XIRP2: variants seen among roughly 807,000 people sequenced by gnomAD.
The protein encoded by XIRP2 is xin actin binding repeat containing 2, also known as xin actin-binding repeat-containing protein 2.
Under a neutral mutation model 277.0 loss-of-function variants are expected in XIRP2, and 236 were observed. The observed-to-expected ratio is 0.85, with a 90% CI of 0.77 to 0.95. The LOEUF is 0.95. Ranked by LOEUF, XIRP2 falls within the 40% of genes least tolerant of loss-of-function variation. XIRP2 has a pLI of 0.00. For synonymous variants in XIRP2, 1,490 were observed against 1,416.5 expected (o/e 1.05, Z -1.17); for missense variants, 4,640 against 4,157.5 (o/e 1.12, Z -3.19).
chr2:167,130,239 C>T (rs533353514), intron 2 of XIRP2, among the ~76,000 whole-genome samples: 7 of 152,068 alleles, frequency 4.6e-5, no homozygotes, highest in African/African-American at 1.7e-4. Flanking sequence ...TTAAAAAAAA[C>T]CCCTGCTCAT....
intron 2 of XIRP2, among the ~76,000 whole-genome samples, chr2:166,939,879 A>G (rs1685651362): frequency 6.6e-6 from 1 of 151,430 alleles, no homozygotes; most frequent in South Asian, 2.1e-4. Context: ...TGCCCTTCAC[A>G]TTTTTTCCTT....
Position 167,247,572 on chromosome 2 carries a change from C to A in XIRP2, c.6180C>A (p.Asp2060Glu), listed in dbSNP as rs773243575. The A allele has an allele frequency of 8.1e-6, 13 of 1,613,526 alleles. No homozygotes were observed. In the African/African-American group the frequency reaches 1.2e-4, roughly 15 times the overall value. The change falls in exon 9 of 11, where the codon GAC (aspartate) becomes GAA (glutamate). Residue 2060 changes from aspartate (D) to glutamate (E), a missense_variant. Asp to Glu is a conservative substitution (Grantham distance 45). Coordinates refer to ENST00000409195, the MANE Select transcript of XIRP2 (RefSeq NM_152381.6). ...HHKSNVLESGDKTGVWTDTTG... is the reference protein window; with the variant it reads ...HHKSNVLESGEKTGVWTDTTG... ...AATCTAATGTTTTGGAATCAGGAGACAAAACGGGTGTCTGGACTGATACTA... is the reference window on the plus strand; with the variant it reads ...AATCTAATGTTTTGGAATCAGGAGAAAAAACGGGTGTCTGGACTGATACTA...
chr2:167,016,998 G>A (rs1334458007), intron 2 of XIRP2, among the ~76,000 whole-genome samples: 1 of 151,946 alleles, frequency 6.6e-6, no homozygotes, highest in Non-Finnish European at 1.5e-5. Flanking sequence ...GTAGCAGCTT[G>A]GTCTGGGTGT....
At chr2:167,001,634 T>C (rs1043934049) in intron 2 of XIRP2, among the ~76,000 whole-genome samples, 5 of 152,142 alleles carry the variant, frequency 3.3e-5, no homozygotes, top group African/African-American at 4.8e-5. Context: ...ATAACCTGCA[T>C]TATTAGTTAA....
intron 2 of XIRP2, among the ~76,000 whole-genome samples, chr2:167,061,270 A>G (rs886269947): frequency 2.5e-4 from 38 of 152,232 alleles, no homozygotes; most frequent in African/African-American, 9.1e-4. Context: ...AAGAATTTCT[A>G]CATGAACAAT....
chr2:167,247,386 T>C lies in XIRP2; in HGVS notation c.5994T>C (p.Ser1998=). The change falls in exon 9 of 11, where the codon AGT becomes AGC. Residue 1998 remains serine, a synonymous_variant. Transcript: ENST00000409195. The part of the protein sequence containing the change: ...AKWQGGADTL[S]QTMGKSCHGN... Reference sequence around the variant, plus strand: ...GGCAAGGGGGAGCAGATACTCTCAGTCAAACTATGGGGAAATCTTGCCATG... The same window carrying C: ...GGCAAGGGGGAGCAGATACTCTCAGCCAAACTATGGGGAAATCTTGCCATG... The C allele has an allele frequency of 6.2e-7, 1 of 1,613,732 alleles. No homozygotes were observed. Among genetic ancestry groups the C allele is most frequent in the African/African-American group, 1.3e-5 (1 of 74,984 alleles).
Position 167,106,609 on chromosome 2 carries a change from A to G in XIRP2, c.409-29300A>G, listed in dbSNP as rs184570698. 5.9e-3 allele frequency among the ~76,000 whole-genome samples: 903 copies of G among 151,798 alleles called. 7 individuals carry two copies. The highest frequency in any genetic ancestry group is 9.7e-3 in the Non-Finnish European group (654 of 67,676). On this transcript the variant is annotated intron_variant, in intron 2 of 10. Transcript: ENST00000409195. ...TATAAAAATTCTTAAAATAAATCTT[A>G]AAATCTTAAAATTCCTCCCAATTAC... is the stretch of plus-strand genomic sequence containing the variant.
intron 2 of XIRP2, among the ~76,000 whole-genome samples, chr2:167,129,988 AC>A (rs1010009818): frequency 6.6e-5 from 10 of 152,072 alleles, no homozygotes; most frequent in Non-Finnish European, 2.9e-5. Context: ...AAGATAATAG[AC>A]CTCACTGAGA....
At chr2:167,001,062 T>A (rs1558942797) in intron 2 of XIRP2, among the ~76,000 whole-genome samples, 1 of 152,104 alleles carries the variant, frequency 6.6e-6, no homozygotes, top group Non-Finnish European at 1.5e-5. Context: ...TATGAAGAAA[T>A]TTTGATCATT....
In XIRP2 at chr2:167,007,699, TCTCTCACACACA is replaced by T. The variant is rs1290822332; in HGVS notation, c.408+103811_408+103822del. On this transcript the variant is annotated intron_variant, in intron 2 of 10. Coordinates refer to ENST00000409195, the MANE Select transcript of XIRP2 (RefSeq NM_152381.6). ...TGTACACTCTCTCTCTCTCTCTCTC[TCTCTCACACACA>T]CACACACACACACACACACACACAC... 4.1e-5 allele frequency among the ~76,000 whole-genome samples: 5 copies of T among 123,318 alleles called. No homozygotes were observed. In the East Asian group the frequency reaches 6.7e-4, roughly 16 times the overall value. The allele number at this position is 123,318 out of a possible 152,430, so 80.9% of individuals were successfully genotyped here.
At chr2:167,105,322 C>A (rs1455141142) in intron 2 of XIRP2, among the ~76,000 whole-genome samples, 1 of 151,938 alleles carries the variant, frequency 6.6e-6, no homozygotes, top group African/African-American at 2.4e-5. Flanking sequence ...TCCAGCACCA[C>A]CACCTTTTTT....
At chr2:166,994,688 CAAA>C (rs572251724) in intron 2 of XIRP2, among the ~76,000 whole-genome samples, 1 of 107,490 alleles carries the variant, frequency 9.3e-6, no homozygotes. Context: ...CTCAGTCTAT[CAAA>C]AAAAAAAAAA....
At chr2:167,231,727 A>C (rs992551031) in intron 5 of XIRP2, among the ~76,000 whole-genome samples, 2 of 151,930 alleles carry the variant, frequency 1.3e-5, no homozygotes, top group African/African-American at 2.4e-5. Context: ...GATCATCTCC[A>C]TCTTGGGCTT....
Position 167,243,485 on chromosome 2 carries a change from C to T in XIRP2, c.2093C>T (p.Thr698Ile). 2 of 1,613,998 alleles carry T rather than the reference C, an allele frequency of 1.2e-6. No homozygotes were observed. The highest frequency in any genetic ancestry group is 1.7e-6 in the Non-Finnish European group (2 of 1,179,964). The change falls in exon 9 of 11, where the codon ACT becomes ATT. Residue 698 changes from threonine to isoleucine, a missense_variant. Thr to Ile is a moderately conservative substitution (Grantham distance 89). Coordinates refer to ENST00000409195, the MANE Select transcript of XIRP2 (RefSeq NM_152381.6). The part of the protein sequence containing the change: ...DVKTVRYMFE[T>I]QHLDQLGQLH... ...AAGACTGTGAGATACATGTTTGAAACTCAACATCTAGATCAACTTGGACAG... is the reference window on the plus strand; with the variant it reads ...AAGACTGTGAGATACATGTTTGAAATTCAACATCTAGATCAACTTGGACAG...
chr2:166,981,260 C>A (rs1275336838), intron 2 of XIRP2, among the ~76,000 whole-genome samples: 1 of 152,114 alleles, frequency 6.6e-6, no homozygotes, highest in Non-Finnish European at 1.5e-5. Context: ...CTTTCTAAGA[C>A]TTTAGAAAAG....
Position 167,020,638 on chromosome 2 carries a change from A to T in XIRP2, c.409-115271A>T, listed in dbSNP as rs182940030. Among the ~76,000 whole-genome samples the T allele has an allele frequency of 1.6e-3, 249 of 152,116 alleles. 6 individuals are homozygous for T. In the Middle Eastern group the frequency reaches 0.017, roughly 10 times the overall value. On this transcript the variant is annotated intron_variant, in intron 2 of 10. Transcript: ENST00000409195. ...TATGATTTCTTCAGGATAGGGATCAAGTATGTTCTGAAATGCATAGTTTCA... is the reference window on the plus strand; with the variant it reads ...TATGATTTCTTCAGGATAGGGATCATGTATGTTCTGAAATGCATAGTTTCA...
At chr2:166,931,482 G>A (rs1258681726) in intron 2 of XIRP2, among the ~76,000 whole-genome samples, 1 of 152,038 alleles carries the variant, frequency 6.6e-6, no homozygotes, top group African/African-American at 2.4e-5. Flanking sequence ...TAGATTTCCA[G>A]CACCACTTTT....
At chr2:166,894,134 A>G (rs1205347439) in intron 1 of XIRP2, among the ~76,000 whole-genome samples, 1 of 152,166 alleles carries the variant, frequency 6.6e-6, no homozygotes, top group Non-Finnish European at 1.5e-5. Flanking sequence ...ATAATTAGAC[A>G]TAAACTCAAA....
At chr2:166,945,829 A>G (rs1036277034) in intron 2 of XIRP2, among the ~76,000 whole-genome samples, 3 of 151,618 alleles carry the variant, frequency 2.0e-5, no homozygotes, top group African/African-American at 7.3e-5. Flanking sequence ...GTGCCACCAC[A>G]CCCGGCTAAT....
Sources: gnomAD v4.1 joint callset for allele counts (sites outside exome capture counted in the v4.1 genomes callset) on GRCh38, gnomAD v4.1.1 for gene constraint, MANE v1.5 for transcripts, NCBI Gene and HGNC (gene_info 2026-07-23, HGNC 2026-07-21) for gene names.